DPP10: variants seen among roughly 807,000 people sequenced by gnomAD.
DPP10 encodes dipeptidyl peptidase like 10.
A neutral mutation model predicts 120.9 loss-of-function variants in DPP10; 33 were observed. The ratio of observed to expected loss-of-function variants is 0.27; its 90% CI spans 0.21 to 0.37. The LOEUF (loss-of-function observed/expected upper bound fraction) is 0.37. DPP10 is among the 10% of genes least tolerant of loss of function. The probability of loss-of-function intolerance (pLI) is 1.00; values close to 1 mark genes in which losing one functional copy is unlikely to be tolerated. For synonymous variants in DPP10, 337 were observed against 326.1 expected, an observed-to-expected ratio of 1.03 and a Z score of -0.36; for missense variants, 816 against 942.8, an observed-to-expected ratio of 0.87 and a Z score of 1.76.
chr2:115,414,564 T>G (rs1521074), intron 3 of DPP10, among the ~76,000 whole-genome samples: 2,216 of 152,282 alleles, frequency 0.015, 60 homozygotes, highest in African/African-American at 0.051. Context: ...GAAACTGATA[T>G]GTATTTTTTT....
chr2:115,209,016 G>T (rs1009457706), intron 1 of DPP10, among the ~76,000 whole-genome samples: 9 of 152,114 alleles, frequency 5.9e-5, no homozygotes, highest in Admixed American at 5.9e-4. Context: ...TAAGTAAACT[G>T]GCATGATGTT....
At chr2:115,167,433 AAAAAG>A (rs766158641) in intron 1 of DPP10, among the ~76,000 whole-genome samples, 128 of 151,574 alleles carry the variant, frequency 8.4e-4, no homozygotes, top group Non-Finnish European at 1.6e-3. Flanking sequence ...AAAAGAAAAT[AAAAAG>A]AAAAGAAAGA....
rs1691210535 is a variant in DPP10 at position 114,876,915 on chromosome 2, G to T, written c.61-432324G>T. ...GACCCTAAAGGTACTAAAGTGTCAC[G>T]ACTTTTCCTTTCCTCTGCAGTCTCT... On this transcript the variant is annotated intron_variant, in intron 1 of 25. Transcript: ENST00000410059. 5.9e-5 allele frequency among the ~76,000 whole-genome samples: 9 copies of T among 151,894 alleles called. No homozygotes were observed. The Admixed American group carries it at 6.0e-4, about 10-fold the overall frequency.
chr2:114,583,278 G>T (rs1020612473), intron 1 of DPP10, among the ~76,000 whole-genome samples: 20 of 152,128 alleles, frequency 1.3e-4, no homozygotes, highest in Admixed American at 6.5e-5. Context: ...TTTGTTAACA[G>T]ACTGACAGAA....
At chr2:115,294,056 T>G (rs1320012915) in intron 1 of DPP10, among the ~76,000 whole-genome samples, 1 of 152,108 alleles carries the variant, frequency 6.6e-6, no homozygotes, top group African/African-American at 2.4e-5. Context: ...CCTGATTCAA[T>G]GAATATTTAT....
chr2:115,356,521 C>T (rs1434731402), intron 3 of DPP10, among the ~76,000 whole-genome samples: 1 of 152,090 alleles, frequency 6.6e-6, no homozygotes, highest in Admixed American at 6.6e-5. Context: ...TTGACTTCCT[C>T]TCTTCCTATT....
intron 3 of DPP10, among the ~76,000 whole-genome samples, chr2:115,353,307 A>T (rs2064156553): frequency 6.6e-6 from 1 of 152,238 alleles, no homozygotes; most frequent in Non-Finnish European, 1.5e-5. Context: ...CATGGTGTGT[A>T]AGTTTAACGG....
chr2:114,733,837 A>C (rs543242230), intron 1 of DPP10, among the ~76,000 whole-genome samples: 1 of 152,312 alleles, frequency 6.6e-6, no homozygotes, highest in Admixed American at 6.5e-5. Context: ...CTTCCGTAGA[A>C]ATAACTCATC....
intron 1 of DPP10, among the ~76,000 whole-genome samples, chr2:114,620,431 T>C (rs1383798547): frequency 2.0e-5 from 3 of 152,024 alleles, no homozygotes; most frequent in African/African-American, 7.2e-5. Flanking sequence ...CATTTTACTA[T>C]TCAGAACATT....
chr2:115,836,886 T>C (rs974005774), intron 24 of DPP10, 140 bp downstream of exon 24: 3 of 687,422 alleles, frequency 4.4e-6, no homozygotes, highest in Non-Finnish European at 7.2e-6. Flanking sequence ...AGATACATGA[T>C]AGAAGGTGGG....
At chr2:115,284,811 A>G (rs1350761626) in intron 1 of DPP10, among the ~76,000 whole-genome samples, 1 of 152,036 alleles carries the variant, frequency 6.6e-6, no homozygotes, top group Non-Finnish European at 1.5e-5. Flanking sequence ...AGTCCTTGTC[A>G]GATGAATTTC....
intron 13 of DPP10, among the ~76,000 whole-genome samples, chr2:115,775,147 C>T (rs1430022776): frequency 6.6e-6 from 1 of 151,394 alleles, no homozygotes; most frequent in Non-Finnish European, 1.5e-5. Context: ...ATTTTATATG[C>T]ATATATGAAA....
chr2:115,005,193 A>T (rs941063097), intron 1 of DPP10, among the ~76,000 whole-genome samples: 12 of 152,180 alleles, frequency 7.9e-5, no homozygotes, highest in African/African-American at 2.9e-4. Context: ...AACAGAAAGG[A>T]CATCCACACC....
At chr2:115,337,383 G>T (rs991867331) in intron 2 of DPP10, among the ~76,000 whole-genome samples, 5 of 151,904 alleles carry the variant, frequency 3.3e-5, no homozygotes, top group African/African-American at 1.2e-4. Context: ...GTGAAAAGAT[G>T]CTATTAATAC....
chr2:115,357,610 G>T (rs1223580461), intron 3 of DPP10, among the ~76,000 whole-genome samples: 1 of 152,162 alleles, frequency 6.6e-6, no homozygotes, highest in Non-Finnish European at 1.5e-5. Flanking sequence ...ACATTCTAAG[G>T]TCTGGAGGAT....
chr2:115,673,018 G>C (rs2090025505), intron 5 of DPP10, among the ~76,000 whole-genome samples: 1 of 152,014 alleles, frequency 6.6e-6, no homozygotes, highest in African/African-American at 2.4e-5. Flanking sequence ...CAAAGTGCTG[G>C]GATTACAGGT....
At chr2:114,502,841 G>A (rs1206390774) in intron 1 of DPP10, among the ~76,000 whole-genome samples, 4 of 152,160 alleles carry the variant, frequency 2.6e-5, no homozygotes, top group African/African-American at 9.7e-5. Flanking sequence ...AACTTTAAAT[G>A]TATGATTTCT....
At chr2:115,473,405 A>C (rs1156590472) in intron 3 of DPP10, among the ~76,000 whole-genome samples, 1 of 152,198 alleles carries the variant, frequency 6.6e-6, no homozygotes, top group Non-Finnish European at 1.5e-5. Context: ...TAAATGAAAG[A>C]AGATTCCCTT....
At chr2:115,649,309 A>C (rs2087547115) in intron 5 of DPP10, among the ~76,000 whole-genome samples, 1 of 152,166 alleles carries the variant, frequency 6.6e-6, no homozygotes. Flanking sequence ...CAACAGGATT[A>C]AGTGACAATC....
Sources: gnomAD v4.1 joint callset for allele counts (sites outside exome capture counted in the v4.1 genomes callset) on GRCh38, gnomAD v4.1.1 for gene constraint, MANE v1.5 for transcripts, NCBI Gene and HGNC (gene_info 2026-07-23, HGNC 2026-07-21) for gene names.